Variants in DNAJC15 observed in about 807,000 individuals in gnomAD.
DNAJC15 encodes DnaJ heat shock protein family (Hsp40) member C15.
DNAJC15 carries 27 observed loss-of-function variants against 22.4 expected under a neutral mutation model. The ratio of observed to expected loss-of-function variants is 1.20; its 90% CI spans 0.89 to 1.66. The LOEUF (loss-of-function observed/expected upper bound fraction) is 1.66, where lower values mean the gene tolerates loss of function less well. Ranked by LOEUF, DNAJC15 falls within the 40% of genes most tolerant of loss-of-function variation. The probability of loss-of-function intolerance (pLI) is 0.00; values close to 1 mark genes in which losing one functional copy is unlikely to be tolerated. For missense variants in DNAJC15, 208 were observed against 187.1 expected (o/e 1.11, Z -0.65); for synonymous variants, 79 against 63.2 (o/e 1.25, Z -1.19).
At chr13:43,098,260 G>T (rs887570264) in intron 5 of DNAJC15, among the ~76,000 whole-genome samples, 7 of 152,182 alleles carry the variant, frequency 4.6e-5, no homozygotes, top group African/African-American at 1.7e-4. Flanking sequence ...TAAGACATCA[G>T]TCAGCTAGTA....
chr13:43,093,750 T>C (rs2040726263), intron 5 of DNAJC15, among the ~76,000 whole-genome samples: 1 of 152,168 alleles, frequency 6.6e-6, no homozygotes, highest in Non-Finnish European at 1.5e-5. Flanking sequence ...TACCTATTAA[T>C]TCATTTTAAA....
intron 1 of DNAJC15, among the ~76,000 whole-genome samples, chr13:43,062,039 C>G (rs1447571922): frequency 6.6e-6 from 1 of 152,052 alleles, no homozygotes; most frequent in African/African-American, 2.4e-5. Context: ...CAGTGAGGAT[C>G]CTGGTAGTAA....
chr13:43,074,219 A>G (rs1435260544), intron 3 of DNAJC15, among the ~76,000 whole-genome samples: 1 of 152,178 alleles, frequency 6.6e-6, no homozygotes, highest in Non-Finnish European at 1.5e-5. Flanking sequence ...TTTGTGTTTC[A>G]GGCTATTGAG....
chr13:43,034,476 C>T (rs1046310397), intron 1 of DNAJC15, among the ~76,000 whole-genome samples: 12 of 151,628 alleles, frequency 7.9e-5, no homozygotes, highest in East Asian at 1.9e-4. Flanking sequence ...CCACCGCGCC[C>T]GGCTAATTTT....
intron 4 of DNAJC15, among the ~76,000 whole-genome samples, chr13:43,082,038 A>G (rs1195665957): frequency 1.2e-4 from 18 of 152,086 alleles, no homozygotes; most frequent in Admixed American, 1.2e-3. Context: ...ACAGCACAGG[A>G]AAACCCGCCC....
intron 1 of DNAJC15, among the ~76,000 whole-genome samples, chr13:43,054,977 AC>A (rs1264423673): frequency 1.3e-5 from 2 of 151,924 alleles, no homozygotes; most frequent in East Asian, 3.9e-4. Context: ...CTGGGTAATC[AC>A]CAAACTTCAC....
At chr13:43,077,577 T>C (rs1317996048) in intron 3 of DNAJC15, among the ~76,000 whole-genome samples, 6 of 152,154 alleles carry the variant, frequency 3.9e-5, no homozygotes, top group African/African-American at 1.4e-4. Flanking sequence ...TTCTATCCCA[T>C]GTCAACCAGT....
At chr13:43,105,330 G>C (rs995906128) in intron 5 of DNAJC15, among the ~76,000 whole-genome samples, 1 of 152,218 alleles carries the variant, frequency 6.6e-6, no homozygotes, top group East Asian at 1.9e-4. Context: ...AGCCTTCCAA[G>C]TCCCACAAGA....
At chr13:43,037,379 G>A (rs997291877) in intron 1 of DNAJC15, among the ~76,000 whole-genome samples, 39 of 152,164 alleles carry the variant, frequency 2.6e-4, no homozygotes, top group African/African-American at 9.2e-4. Flanking sequence ...ATAGGAAGGA[G>A]GCCAACTAGA....
chr13:43,110,450 C>T lies in DNAJC15; in HGVS notation c.*3202C>T, dbSNP rs2040819310. The T allele has an allele frequency of 6.6e-6, 1 of 152,158 alleles. No individual in the cohort carries two copies. 9.4% of individuals were successfully genotyped at this position (152,158 alleles called of 1,614,324 possible). ...TGCTCATCTTTAATATGCAGCAGGA[C>T]AGGTTTGGGATTTTTTTTCCCCCTT... On this transcript the variant is annotated 3_prime_UTR_variant, in exon 6 of 6. Transcript: ENST00000379221.
intron 5 of DNAJC15, among the ~76,000 whole-genome samples, chr13:43,091,204 C>T (rs757312865): frequency 1.3e-5 from 2 of 152,174 alleles, no homozygotes; most frequent in Non-Finnish European, 2.9e-5. Context: ...CCTGCCTCAG[C>T]CTCCCGAGTA....
At chr13:43,071,900 A>T (rs2040610976) in intron 3 of DNAJC15, among the ~76,000 whole-genome samples, 1 of 152,088 alleles carries the variant, frequency 6.6e-6, no homozygotes, top group African/African-American at 2.4e-5. Flanking sequence ...TTTATATGGA[A>T]TGCATGGATG....
chr13:43,043,820 A>G (rs2040464557), intron 1 of DNAJC15, among the ~76,000 whole-genome samples: 1 of 152,196 alleles, frequency 6.6e-6, no homozygotes, highest in Non-Finnish European at 1.5e-5. Flanking sequence ...TGCTTAATGT[A>G]AGGGTTTCGT....
At position 43,111,037 on chromosome 13, in the gene DNAJC15, C is replaced by T. The variant is rs991292570; in HGVS notation, c.*3789C>T. The stretch of plus-strand genomic sequence containing the variant: ...AGGCCTTTTAAAAATAAAACAATTC[C>T]GATTGCAGAGAAAGTGTAAGTCAAG... On this transcript the variant is annotated 3_prime_UTR_variant, in exon 6 of 6. Transcript: ENST00000379221. 3 of 152,106 alleles carry T rather than the reference C, an allele frequency of 2.0e-5. 1 individual carries two copies. Among genetic ancestry groups the T allele is most frequent in the South Asian group, 4.2e-4 (2 of 4,816 alleles). 9.4% of individuals were successfully genotyped at this position (152,106 alleles called of 1,614,324 possible).
At chr13:43,044,877 T>C (rs987742858) in intron 1 of DNAJC15, among the ~76,000 whole-genome samples, 1 of 152,124 alleles carries the variant, frequency 6.6e-6, no homozygotes. Context: ...TCATGGATTA[T>C]TTTAATAGAC....
Position 43,064,882 on chromosome 13 carries a change from C to T in DNAJC15, c.109-804C>T, listed in dbSNP as rs1484156901. ...CACTACTCTGGTTGTATCTTACGTG[C>T]CAACGCTTAGTTAGCATAGCCATAC... On this transcript the variant is annotated intron_variant, in intron 1 of 5. Transcript: ENST00000379221. 2.0e-5 allele frequency among the ~76,000 whole-genome samples: 3 copies of T among 151,646 alleles called. No homozygotes were observed. The East Asian group carries it at 5.8e-4, about 29-fold the overall frequency.
chr13:43,079,017 T>C (rs2040649257), intron 4 of DNAJC15: 1 of 171,338 alleles, frequency 5.8e-6, no homozygotes, highest in African/African-American at 2.4e-5. Context: ...TAATTTGATA[T>C]CATATTGTTA....
chr13:43,090,714 T>C (rs1367963696), intron 5 of DNAJC15, among the ~76,000 whole-genome samples: 7 of 151,202 alleles, frequency 4.6e-5, no homozygotes, highest in African/African-American at 1.2e-4. Context: ...TCTTTCTTTT[T>C]TTTTTTTTTT....
At chr13:43,033,520 C>T (rs1053891379) in intron 1 of DNAJC15, among the ~76,000 whole-genome samples, 5 of 152,088 alleles carry the variant, frequency 3.3e-5, no homozygotes, top group African/African-American at 1.2e-4. Context: ...TTCCAAGATC[C>T]CAACCAGGTA....
Sources: gnomAD v4.1 joint callset for allele counts (sites outside exome capture counted in the v4.1 genomes callset) on GRCh38, gnomAD v4.1.1 for gene constraint, MANE v1.5 for transcripts, NCBI Gene and HGNC (gene_info 2026-07-23, HGNC 2026-07-21) for gene names.